TCF7L2: variants seen among roughly 807,000 people sequenced by gnomAD.
TCF7L2 encodes the protein transcription factor 7-like 2.
In TCF7L2, 23 loss-of-function variants were observed where a neutral mutation model predicts 77.9. The observed-to-expected ratio is 0.30, with a 90% confidence interval of 0.21 to 0.42. The LOEUF is 0.42. Among genes scored for constraint, TCF7L2 ranks in the 10% least tolerant of loss-of-function variants. The pLI, the probability that TCF7L2 is intolerant of heterozygous loss-of-function variation, is 1.00. For synonymous variants in TCF7L2, 413 were observed against 340.2 expected (o/e 1.21, Z -2.36); for missense variants, 654 against 793.1 (o/e 0.82, Z 2.11).
At chr10:113,072,409 C>T (rs555983429) in intron 5 of TCF7L2, among the ~76,000 whole-genome samples, 2 of 152,078 alleles carry the variant, frequency 1.3e-5, no homozygotes, top group Non-Finnish European at 2.9e-5. Flanking sequence ...GGCTGGAGTA[C>T]GGTGGTGGGA....
intron 4 of TCF7L2, among the ~76,000 whole-genome samples, chr10:113,031,020 C>G (rs1331868372): frequency 6.6e-6 from 1 of 152,202 alleles, no homozygotes; most frequent in Non-Finnish European, 1.5e-5. Flanking sequence ...ATTTCTCTTC[C>G]TGCCTGGGCA....
At chr10:113,017,697 A>G (rs1294195852) in intron 4 of TCF7L2, among the ~76,000 whole-genome samples, 2 of 152,164 alleles carry the variant, frequency 1.3e-5, no homozygotes, top group African/African-American at 2.4e-5. Flanking sequence ...CCCAGCAGAG[A>G]GAATCTCTGA....
intron 4 of TCF7L2, among the ~76,000 whole-genome samples, chr10:113,036,694 T>TCTTTC (rs2051336003): frequency 6.6e-6 from 1 of 152,156 alleles, no homozygotes; most frequent in Non-Finnish European, 1.5e-5. Context: ...CTTTCTTTTT[T>TCTTTC]TTTAATGAAA....
intron 4 of TCF7L2, among the ~76,000 whole-genome samples, chr10:113,018,233 C>A (rs1334531247): frequency 6.6e-6 from 1 of 152,160 alleles, no homozygotes; most frequent in Non-Finnish European, 1.5e-5. Flanking sequence ...ATAAAGATCA[C>A]CCACTCTTAA....
At chr10:113,093,561 T>A (rs1438501128) in intron 5 of TCF7L2, among the ~76,000 whole-genome samples, 1 of 152,238 alleles carries the variant, frequency 6.6e-6, no homozygotes, top group East Asian at 1.9e-4. Flanking sequence ...TTGTCCCTTC[T>A]CTTTCTTTCC....
chr10:113,107,337 C>T (rs1242393669), intron 5 of TCF7L2, among the ~76,000 whole-genome samples: 1 of 152,060 alleles, frequency 6.6e-6, no homozygotes, highest in Non-Finnish European at 1.5e-5. Flanking sequence ...TCTGTAGTCC[C>T]TCCCCTCACC....
At chr10:113,029,216 C>G (rs2049757643) in intron 4 of TCF7L2, among the ~76,000 whole-genome samples, 1 of 152,080 alleles carries the variant, frequency 6.6e-6, no homozygotes, top group Non-Finnish European at 1.5e-5. Context: ...TTTGTTGACT[C>G]AACTGCTCTT....
At chr10:113,025,725 G>C (rs988756181) in intron 4 of TCF7L2, among the ~76,000 whole-genome samples, 2 of 152,022 alleles carry the variant, frequency 1.3e-5, no homozygotes, top group East Asian at 1.9e-4. Flanking sequence ...AGCCTTTACT[G>C]TTATTATCCT....
At position 112,950,931 on chromosome 10, in the gene TCF7L2, T is replaced by G; in HGVS notation, c.175T>G (p.Ser59Ala). 1 of 1,610,234 alleles carries G rather than the reference T, an allele frequency of 6.2e-7. No individual in the cohort carries two copies. Residue 59 changes from serine (S) to alanine (A), a missense_variant, in exon 1 of 14, where the codon TCC (serine) becomes GCC (alanine). This residue lies in a region of TCF7L2 where 132 missense variants were observed against 123.7 expected (regional missense o/e 1.07). Transcript: ENST00000627217. ...TGAATCAGAAACGAATCAAAACAGCTCCTCCGATTCCGAGGTAGGAAAAGC... is the reference window on the plus strand; with the variant it reads ...TGAATCAGAAACGAATCAAAACAGCGCCTCCGATTCCGAGGTAGGAAAAGC...
intron 5 of TCF7L2, among the ~76,000 whole-genome samples, chr10:113,124,946 G>A (rs1295441009): frequency 6.6e-6 from 1 of 152,114 alleles, no homozygotes; most frequent in Non-Finnish European, 1.5e-5. Context: ...CTTTCGTTGA[G>A]TTGTGTTGTT....
At chr10:112,978,771 G>A (rs1286174964) in intron 4 of TCF7L2, among the ~76,000 whole-genome samples, 1 of 151,316 alleles carries the variant, frequency 6.6e-6, no homozygotes, top group Non-Finnish European at 1.5e-5. Context: ...GAGCCACCGC[G>A]CCCGGCCAGA....
intron 5 of TCF7L2, among the ~76,000 whole-genome samples, chr10:113,063,875 G>C (rs921409975): frequency 6.8e-6 from 1 of 147,934 alleles, no homozygotes; most frequent in East Asian, 2.0e-4. Context: ...GTGTATGTGT[G>C]TGTGCACATG....
intron 4 of TCF7L2, among the ~76,000 whole-genome samples, chr10:113,025,663 G>A (rs528101919): frequency 6.6e-6 from 1 of 152,150 alleles, no homozygotes; most frequent in Non-Finnish European, 1.5e-5. Flanking sequence ...TTACAGGTGT[G>A]AGTCACCGCT....
At chr10:113,072,783 A>G (rs1017989296) in intron 5 of TCF7L2, among the ~76,000 whole-genome samples, 1 of 152,154 alleles carries the variant, frequency 6.6e-6, no homozygotes. Flanking sequence ...GCTGTTGTGT[A>G]TTGGTTCTTG....
At chr10:113,144,442 T>G (rs12775879) in intron 7 of TCF7L2, among the ~76,000 whole-genome samples, 12,261 of 152,142 alleles carry the variant, frequency 0.081, 961 homozygotes, top group Admixed American at 0.24. Flanking sequence ...AGTCCTCCAT[T>G]TTAGGTGTTA....
At chr10:113,014,678 G>T (rs1357554732) in intron 4 of TCF7L2, among the ~76,000 whole-genome samples, 1 of 152,122 alleles carries the variant, frequency 6.6e-6, no homozygotes, top group Non-Finnish European at 1.5e-5. Flanking sequence ...CCACCTACTC[G>T]GGAGGCTGAG....
At chr10:113,157,455 G>A (rs1294138761) in intron 11 of TCF7L2, among the ~76,000 whole-genome samples, 5 of 152,190 alleles carry the variant, frequency 3.3e-5, no homozygotes, top group Non-Finnish European at 5.9e-5. Context: ...ATGATTCCTC[G>A]TTCTATTTCA....
rs558245673 is a variant in TCF7L2, at chr10:113,075,353, G to A, written c.552+35227G>A. Among the ~76,000 whole-genome samples the A allele has an allele frequency of 2.0e-5, 3 of 152,182 alleles. No individual in the cohort carries two copies. In the South Asian group the frequency reaches 6.2e-4, roughly 32 times the overall value. The stretch of plus-strand genomic sequence containing the variant: ...GGGCACCTGTAATCCGAGCTCTCCT[G>A]GAGGCTGAGGCAGGAGAATCGCTTG... On this transcript the variant is annotated intron_variant, in intron 5 of 13. Transcript: ENST00000627217.
At chr10:113,001,029 G>A (rs181458886) in intron 4 of TCF7L2, among the ~76,000 whole-genome samples, 32 of 152,310 alleles carry the variant, frequency 2.1e-4, no homozygotes, top group African/African-American at 7.0e-4. Flanking sequence ...CAGGAGGAAC[G>A]CAGAGTGCTC....
Sources: allele counts gnomAD v4.1 joint callset (sites outside exome capture counted in the v4.1 genomes callset), GRCh38; gene constraint gnomAD v4.1.1; regional missense constraint gnomAD v4.1.1; transcripts MANE v1.5; gene names NCBI Gene and HGNC (gene_info 2026-07-23, HGNC 2026-07-21).